Variants in IQCB1 observed in about 807,000 individuals in gnomAD.
IQCB1 encodes IQ motif containing B1, also known as IQ calmodulin-binding motif-containing protein 1.
In IQCB1, 56 loss-of-function variants were observed where a neutral mutation model predicts 84.4. That is an observed-to-expected ratio of 0.66 (90% CI 0.54 to 0.83). The LOEUF (loss-of-function observed/expected upper bound fraction) is 0.83, where lower values mean the gene tolerates loss of function less well. Among genes scored for constraint, IQCB1 ranks in the 40% least tolerant of loss-of-function variants. IQCB1 has a pLI of 0.00. For synonymous variants in IQCB1, 210 were observed against 234.8 expected (o/e 0.89, Z 0.96); for missense variants, 629 against 682.1 (o/e 0.92, Z 0.87).
intron 7 of IQCB1, among the ~76,000 whole-genome samples, chr3:121,805,254 G>T (rs1197614773): frequency 6.6e-6 from 1 of 152,102 alleles, no homozygotes; most frequent in Non-Finnish European, 1.5e-5. Flanking sequence ...GCATAGTCAT[G>T]ACTGTATAAT....
intron 2 of IQCB1, among the ~76,000 whole-genome samples, chr3:121,831,514 G>A (rs1576624441): frequency 6.6e-6 from 1 of 152,286 alleles, no homozygotes; most frequent in South Asian, 2.1e-4. Flanking sequence ...TCAGTCAGAA[G>A]CACAGGTAAA....
chr3:121,819,006 AC>A (rs1950175072), intron 5 of IQCB1, among the ~76,000 whole-genome samples: 1 of 151,858 alleles, frequency 6.6e-6, no homozygotes. Context: ...GTGGTCTCTA[AC>A]CTTTTTTGCA....
At chr3:121,796,065 T>C (rs12486456) in intron 9 of IQCB1, among the ~76,000 whole-genome samples, 15,696 of 152,110 alleles carry the variant, frequency 0.1, 856 homozygotes, top group South Asian at 0.16. Context: ...TCCTGTTTAC[T>C]TAATAGACTT....
chr3:121,794,705 T>C (rs190105915), intron 10 of IQCB1, among the ~76,000 whole-genome samples: 10 of 152,246 alleles, frequency 6.6e-5, no homozygotes, highest in African/African-American at 1.2e-4. Context: ...GACTACATAG[T>C]ATTTTGAACC....
intron 2 of IQCB1, 100 bp from the exon 3 acceptor site, chr3:121,829,072 C>T: frequency 1.4e-6 from 1 of 722,788 alleles, no homozygotes; most frequent in Non-Finnish European, 2.4e-6. Context: ...ATAAAAACAG[C>T]TTTTCTTGCC....
intron 5 of IQCB1, among the ~76,000 whole-genome samples, chr3:121,819,774 G>C (rs1950209994): frequency 1.3e-5 from 2 of 152,136 alleles, no homozygotes. Context: ...GAAATATAAT[G>C]TGAGCCATCT....
chr3:121,830,735 T>C (rs773497986), intron 2 of IQCB1, among the ~76,000 whole-genome samples: 7 of 152,142 alleles, frequency 4.6e-5, no homozygotes, highest in Non-Finnish European at 1.0e-4. Context: ...CTTCCTCCTC[T>C]CCTCCTTTCA....
intron 13 of IQCB1, among the ~76,000 whole-genome samples, chr3:121,774,385 A>C (rs1408373783): frequency 1.3e-5 from 2 of 152,184 alleles, no homozygotes; most frequent in Non-Finnish European, 2.9e-5. Context: ...TCCTCAAAAA[A>C]ATTTTTAAAA....
chr3:121,819,531 G>A (rs1421447858), intron 5 of IQCB1, among the ~76,000 whole-genome samples: 1 of 152,136 alleles, frequency 6.6e-6, no homozygotes, highest in African/African-American at 2.4e-5. Context: ...GGGGACCCCT[G>A]ACATAAAGAA....
chr3:121,825,856 T>G (rs995875158), intron 5 of IQCB1, among the ~76,000 whole-genome samples, 195 bp downstream of exon 5: 1 of 152,288 alleles, frequency 6.6e-6, no homozygotes, highest in African/African-American at 2.4e-5. Context: ...CTTCAAAAAA[T>G]CAAATGGCAA....
intron 12 of IQCB1, among the ~76,000 whole-genome samples, chr3:121,784,506 A>G (rs1948631634): frequency 6.6e-6 from 1 of 152,174 alleles, no homozygotes; most frequent in Non-Finnish European, 1.5e-5. Flanking sequence ...GAGGATATTA[A>G]TAACAGATTA....
intron 10 of IQCB1, among the ~76,000 whole-genome samples, chr3:121,795,063 C>A (rs796156141): frequency 1.3e-5 from 2 of 152,036 alleles, no homozygotes; most frequent in Admixed American, 1.3e-4. Context: ...TCCATCCATG[C>A]CATATTTATT....
rs34526626 is a variant in IQCB1, at chr3:121,797,452, TAA to T, written c.767-227_767-226del. On this transcript the variant is annotated intron_variant, in intron 8 of 14. Coordinates refer to ENST00000310864, the MANE Select transcript of IQCB1 (RefSeq NM_001023570.4). ...TTACGTGCTCAATTGTGGTATCTGA[TAA>T]AAAAAAAAAAATCTGTCTAGACAAT... is the stretch of plus-strand genomic sequence containing the variant. 0.21 allele frequency among the ~76,000 whole-genome samples: 29,757 copies of T among 138,788 alleles called. 3,325 individuals are homozygous for T. The highest frequency in any genetic ancestry group is 0.28 in the Non-Finnish European group (18,062 of 63,474). The allele number at this position is 138,788 out of a possible 152,430, so 91.1% of individuals were successfully genotyped here.
intron 9 of IQCB1, among the ~76,000 whole-genome samples, chr3:121,795,827 A>G (rs760365431): frequency 2.6e-5 from 4 of 152,150 alleles, no homozygotes; most frequent in Non-Finnish European, 5.9e-5. Flanking sequence ...AAGATTTCAT[A>G]GTCCGCCTGA....
chr3:121,801,831 T>TTTTA (rs35740008), intron 7 of IQCB1, among the ~76,000 whole-genome samples: 1 of 148,356 alleles, frequency 6.7e-6, no homozygotes, highest in Non-Finnish European at 1.5e-5. Flanking sequence ...TTTTTTTTTT[T>TTTTA]AATTAAAATC....
intron 7 of IQCB1, among the ~76,000 whole-genome samples, chr3:121,806,649 G>T (rs1339103892): frequency 6.6e-6 from 1 of 151,880 alleles, no homozygotes; most frequent in African/African-American, 2.4e-5. Flanking sequence ...ACCTTCTCCA[G>T]GAAGCACCTC....
intron 12 of IQCB1, among the ~76,000 whole-genome samples, chr3:121,783,088 T>C (rs1433894824): frequency 6.6e-6 from 1 of 152,226 alleles, no homozygotes; most frequent in Non-Finnish European, 1.5e-5. Context: ...TTTTATTATA[T>C]AGCCCTTCCC....
chr3:121,817,297 T>C (rs1360714584), intron 5 of IQCB1, among the ~76,000 whole-genome samples: 1 of 151,936 alleles, frequency 6.6e-6, no homozygotes, highest in Non-Finnish European at 1.5e-5. Flanking sequence ...TTAGGACAAA[T>C]ACCTAATGCA....
At chr3:121,826,745 T>C (rs912112285) in intron 4 of IQCB1, among the ~76,000 whole-genome samples, 4 of 152,014 alleles carry the variant, frequency 2.6e-5, no homozygotes, top group African/African-American at 9.7e-5. Context: ...ACAATATACA[T>C]TAGAGGAGAG....
Sources: gnomAD v4.1 joint callset for allele counts (sites outside exome capture counted in the v4.1 genomes callset) on GRCh38, gnomAD v4.1.1 for gene constraint, MANE v1.5 for transcripts, NCBI Gene and HGNC (gene_info 2026-07-23, HGNC 2026-07-21) for gene names.